Variants in AKNA observed in about 807,000 individuals in gnomAD.
AKNA encodes the protein AT-hook transcription factor, also known as microtubule organization protein AKNA.
AKNA carries 67 observed loss-of-function variants against 138.8 expected under a neutral mutation model. The observed-to-expected ratio is 0.48, with a 90% CI of 0.40 to 0.59. The LOEUF (loss-of-function observed/expected upper bound fraction) is 0.59. Ranked by LOEUF, AKNA falls within the 20% of genes least tolerant of loss-of-function variation. The pLI is 0.00. For missense variants in AKNA, 1,813 were observed against 1,880.4 expected (o/e 0.96, Z 0.66); for synonymous variants, 737 against 754.4 (o/e 0.98, Z 0.38).
At chr9:114,378,465 A>T (rs1180014944) in intron 2 of AKNA, among the ~76,000 whole-genome samples, 1 of 152,164 alleles carries the variant, frequency 6.6e-6, no homozygotes, top group Non-Finnish European at 1.5e-5. Flanking sequence ...TGCAAGTTCT[A>T]TGAAGCCAAG....
At chr9:114,374,317 T>C in intron 3 of AKNA, 150 bp from the exon 4 acceptor site, 1 of 785,596 alleles carries the variant, frequency 1.3e-6, no homozygotes, top group Non-Finnish European at 2.1e-6. Context: ...CTGAGCAATC[T>C]TCAGGCTTGT....
chr9:114,349,180 TA>T (rs1238742980), intron 15 of AKNA, among the ~76,000 whole-genome samples: 2 of 151,238 alleles, frequency 1.3e-5, no homozygotes, highest in African/African-American at 4.8e-5. Flanking sequence ...CAGAAGGCAC[TA>T]AAAAAAAAGA....
rs553673837 is a variant in AKNA at position 114,377,177 on chromosome 9, G to A, written c.630C>T (p.His210=). The change falls in exon 3 of 22, where the codon CAC becomes CAT. Residue 210 remains histidine (H), a synonymous_variant. Coordinates refer to ENST00000374088, the MANE Select transcript of AKNA (RefSeq NM_001317950.2). The part of the protein sequence containing the change: ...SWSSGTVSLD[H]PSDSLDSTWE... ...AGGTAGAATCAAGGCTGTCACTAGG[G>A]TGGTCGAGGCTCACTGTCCCACTGC... 23 of 1,614,186 alleles carry A rather than the reference G, an allele frequency of 1.4e-5. No homozygotes were observed. The African/African-American group carries it at 2.3e-4, about 16-fold the overall frequency.
chr9:114,372,336 G>A (rs937124380), intron 4 of AKNA, among the ~76,000 whole-genome samples: 30 of 152,124 alleles, frequency 2.0e-4, no homozygotes, highest in African/African-American at 7.0e-4. Flanking sequence ...CTACACATGG[G>A]GGGGACCCTG....
chr9:114,351,161 A>G (rs3810934), intron 14 of AKNA, 140 bp from the exon 15 acceptor site: 83 of 867,442 alleles, frequency 9.6e-5, no homozygotes, highest in Non-Finnish European at 1.3e-4. Context: ...GATGAGGCCA[A>G]TGACCCACAC....
intron 1 of AKNA, among the ~76,000 whole-genome samples, chr9:114,384,021 C>T (rs369891291): frequency 4.6e-5 from 7 of 152,328 alleles, no homozygotes; most frequent in East Asian, 1.9e-4. Context: ...GCCCACTCGG[C>T]GCCAGCCTGG....
chr9:114,337,012 T>TGGGGGGGGGGGGGGGGGGGGG lies in AKNA; in HGVS notation c.*41_*42insCCCCCCCCCCCCCCCCCCCCC. 1.3e-5 allele frequency: 16 copies of TGGGGGGGGGGGGGGGGGGGGG among 1,208,220 alleles called. No individual in the cohort carries two copies. Among genetic ancestry groups the TGGGGGGGGGGGGGGGGGGGGG allele is most frequent in the East Asian group, 3.1e-5 (1 of 32,128 alleles). 74.8% of individuals were successfully genotyped at this position (1,208,220 alleles called of 1,614,324 possible). A position where few individuals can be genotyped will look rare whatever the true frequency, so the allele number is the denominator to read the frequency against. On this transcript the variant is annotated 3_prime_UTR_variant, in exon 22 of 22. Transcript: ENST00000374088. ...CCCACTCCTGGCCTGGCAGGCCACC[T>TGGGGGGGGGGGGGGGGGGGGG]GCCCACCCACCCACCCATCTGCCTC...
At chr9:114,364,445 C>T (rs944550555) in intron 7 of AKNA, 115 bp downstream of exon 7, 1 of 1,059,622 alleles carries the variant, frequency 9.4e-7, no homozygotes, top group Non-Finnish European at 1.5e-6. Flanking sequence ...CTAAAAGAGA[C>T]CCTGTGTCTG....
chr9:114,344,132 T>G (rs1830530342), intron 18 of AKNA: 1 of 242,344 alleles, frequency 4.1e-6, no homozygotes, highest in South Asian at 5.8e-5. Flanking sequence ...AAGTCAGGAT[T>G]TGAAAGCAGG....
chr9:114,360,016 T>G lies in AKNA; in HGVS notation c.2171A>C (p.His724Pro). 1 of 1,614,186 alleles carries G rather than the reference T, an allele frequency of 6.2e-7. No individual in the cohort carries two copies. Among genetic ancestry groups the G allele is most frequent in the South Asian group, 1.1e-5 (1 of 91,086 alleles). Residue 724 changes from histidine (H) to proline (P), a missense_variant, in exon 10 of 22, where the codon CAC becomes CCC. Transcript: ENST00000374088. ...GCCAGAGCTCACCTCCACATTTACGTGCAATGGGCAGGGGCCAGTGCTGGC... is the reference window on the plus strand; with the variant it reads ...GCCAGAGCTCACCTCCACATTTACGGGCAATGGGCAGGGGCCAGTGCTGGC... Reference protein sequence around the residue: ...AAASTGPCPLHVNVEVSSGNS... With the variant: ...AAASTGPCPLPVNVEVSSGNS...
Position 114,347,782 on chromosome 9 carries a change from C to A in AKNA, c.3340G>T (p.Ala1114Ser), listed in dbSNP as rs750821301. ...TRPASAFDRP[A>S]RTRGRPADSP... ...TCTGCTGGCCGGCCGCGGGTCCGGG[C>A]GGGGCGGTCAAAGGCAGATGCTGGG... Residue 1114 changes from alanine (A) to serine (S), a missense_variant, in exon 16 of 22, where the codon GCC becomes TCC. Coordinates refer to ENST00000374088, the MANE Select transcript of AKNA (RefSeq NM_001317950.2). The A allele has an allele frequency of 7.0e-5, 109 of 1,547,604 alleles. No individual in the cohort carries two copies. Among genetic ancestry groups the A allele is most frequent in the Non-Finnish European group, 9.2e-5 (105 of 1,145,508 alleles).
intron 1 of AKNA, among the ~76,000 whole-genome samples, chr9:114,386,592 C>T (rs1278442912): frequency 2.0e-5 from 3 of 152,104 alleles, no homozygotes; most frequent in East Asian, 1.9e-4. Flanking sequence ...TCAGGGTCCC[C>T]GCCATCCCTG....
At chr9:114,352,137 A>ATGGAACGTTC (rs1342021338) in intron 14 of AKNA, among the ~76,000 whole-genome samples, 1 of 152,152 alleles carries the variant, frequency 6.6e-6, no homozygotes, top group Admixed American at 6.6e-5. Context: ...CCTTGTGGTG[A>ATGGAACGTTC]TGGAACGTTC....
intron 1 of AKNA, among the ~76,000 whole-genome samples, chr9:114,394,202 A>G (rs927912162): frequency 3.3e-5 from 5 of 152,138 alleles, no homozygotes; most frequent in Non-Finnish European, 5.9e-5. Context: ...TACAATCATT[A>G]TCACTAGGTA....
At chr9:114,382,857 T>A (rs1214721795) in intron 1 of AKNA, among the ~76,000 whole-genome samples, 2 of 151,802 alleles carry the variant, frequency 1.3e-5, no homozygotes, top group Admixed American at 1.3e-4. Context: ...GCTTGCTGGG[T>A]ATGGGATTTC....
At position 114,337,242 on chromosome 9, in the gene AKNA, G is replaced by C. The variant is rs763470796; in HGVS notation, c.4132C>G (p.Pro1378Ala). 1.3e-6 allele frequency: 2 copies of C among 1,570,126 alleles called. No individual in the cohort carries two copies. Among genetic ancestry groups the C allele is most frequent in the African/African-American group, 1.4e-5 (1 of 73,920 alleles). Residue 1378 changes from proline (P) to alanine (A), a missense_variant, in exon 22 of 22, where the codon CCC becomes GCC. Coordinates refer to ENST00000374088, the MANE Select transcript of AKNA (RefSeq NM_001317950.2). ...TGCCGGTGTCTCCGGGCTGGTGGGG[G>C]AGAGGCTGTGGGCGGCCACTTGGCA... Reference protein sequence around the residue: ...PAAKWPPTASPPPARRHRHSI... With the variant: ...PAAKWPPTASAPPARRHRHSI...
upstream of AKNA, chr9:114,388,006 G>A (rs1160460125): frequency 4.4e-5 from 16 of 363,670 alleles, no homozygotes; most frequent in Non-Finnish European, 4.1e-5. Flanking sequence ...GCTGCTCACA[G>A]ACCAGCATCG....
In AKNA at chr9:114,368,549, G is replaced by C. The variant is rs778221993; in HGVS notation, c.1463C>G (p.Thr488Arg). ...CTTGGTCCCCTGGGGCACCATTCCC[G>C]TGTGGATGCTGTGGTTGGGCTGGGG... Reference protein sequence around the residue: ...DPPQPNHSIHTGMVPQGTKVL... With the variant: ...DPPQPNHSIHRGMVPQGTKVL... Residue 488 changes from threonine (T) to arginine (R), a missense_variant, in exon 5 of 22, where the codon ACG (threonine) becomes AGG (arginine). By Grantham distance (71) the Thr-to-Arg change is moderately conservative. Coordinates refer to ENST00000374088, the MANE Select transcript of AKNA (RefSeq NM_001317950.2). 2 of 1,397,032 alleles carry C rather than the reference G, an allele frequency of 1.4e-6. No individual in the cohort carries two copies. The highest frequency in any genetic ancestry group is 2.9e-5 in the Admixed American group (1 of 34,158). 86.5% of individuals were successfully genotyped at this position (1,397,032 alleles called of 1,614,324 possible).
intron 13 of AKNA, 26 bp from the exon 14 acceptor site, chr9:114,356,162 C>G: frequency 6.3e-7 from 1 of 1,598,928 alleles, no homozygotes; most frequent in East Asian, 2.2e-5. Flanking sequence ...GGAAGGGACA[C>G]ACAGGGGTCA....
Sources: allele counts gnomAD v4.1 joint callset (sites outside exome capture counted in the v4.1 genomes callset), GRCh38; gene constraint gnomAD v4.1.1; transcripts MANE v1.5; gene names NCBI Gene and HGNC (gene_info 2026-07-23, HGNC 2026-07-21).